The following ADGRG4 variants were observed in gnomAD, a reference collection of about 807,000 sequenced individuals.
ADGRG4 encodes the protein adhesion G protein-coupled receptor G4, also known as G protein-coupled receptor 112.
A neutral mutation model predicts 126.2 loss-of-function variants in ADGRG4; 122 were observed. The observed-to-expected ratio is 0.97, with a 90% CI of 0.83 to 1.12. The LOEUF is 1.12. Ranked by LOEUF, ADGRG4 falls within the 50% of genes most tolerant of loss-of-function variation. The pLI, the probability that ADGRG4 is intolerant of heterozygous loss-of-function variation, is 0.00. For synonymous variants in ADGRG4, 943 were observed against 838.7 expected (o/e 1.12, Z -2.15); for missense variants, 2,481 against 2,251.8 (o/e 1.10, Z -2.06).
At chrX:136,408,297 G>A (rs2075426894) in intron 23 of ADGRG4, among the ~76,000 whole-genome samples, 1 of 111,675 alleles carries the variant, frequency 9.0e-6, no homozygotes, top group African/African-American at 3.3e-5. Flanking sequence ...GAGGCTTGGG[G>A]TATGAATGAT....
intron 12 of ADGRG4, 65 bp downstream of exon 12, chrX:136,361,652 G>A (rs1398638105): frequency 2.3e-6 from 2 of 873,650 alleles, no homozygotes; most frequent in East Asian, 3.6e-5. Context: ...TTGGGGACAT[G>A]TTTCTATGTC....
At chrX:136,344,115 C>T (rs893197279) in intron 5 of ADGRG4, among the ~76,000 whole-genome samples, 27 of 111,773 alleles carry the variant, frequency 2.4e-4, no homozygotes, top group African/African-American at 7.8e-4. Context: ...CAATGCACTA[C>T]TGTGGCATGC....
chrX:136,317,499 C>CAAAAAAAAAAAAA (rs35736381), intron 4 of ADGRG4, among the ~76,000 whole-genome samples: 41 of 40,503 alleles, frequency 1.0e-3, no homozygotes, highest in Non-Finnish European at 1.1e-3. Context: ...GACTCCATCT[C>CAAAAAAAAAAAAA]AAAAAAAAAA....
intron 21 of ADGRG4, among the ~76,000 whole-genome samples, chrX:136,402,069 C>T (rs2075382248): frequency 8.9e-6 from 1 of 112,130 alleles, no homozygotes; most frequent in Non-Finnish European, 1.9e-5. Flanking sequence ...AGTTTTGGAG[C>T]ATTTCAATAT....
chrX:136,369,887 T>C (rs1232074662), intron 13 of ADGRG4, among the ~76,000 whole-genome samples: 2 of 111,420 alleles, frequency 1.8e-5, no homozygotes, highest in Non-Finnish European at 3.8e-5. Context: ...GGGGTAATGG[T>C]TGGGGAGGAA....
intron 23 of ADGRG4, 54 bp downstream of exon 23, chrX:136,406,026 T>G: frequency 9.6e-7 from 1 of 1,044,862 alleles, no homozygotes. Context: ...CAGCAAAGCT[T>G]TTGTTGCTTT....
At chrX:136,416,080 C>T (rs2075473933) in intron 25 of ADGRG4, among the ~76,000 whole-genome samples, 1 of 111,879 alleles carries the variant, frequency 8.9e-6, no homozygotes, top group African/African-American at 3.3e-5. Flanking sequence ...TGAGAAATAG[C>T]CAAACTTTCA....
chrX:136,330,789 A>C (rs756247842), intron 5 of ADGRG4, among the ~76,000 whole-genome samples: 14 of 111,791 alleles, frequency 1.3e-4, no homozygotes, highest in Admixed American at 8.5e-4. Flanking sequence ...TAATCATATC[A>C]TGGTACCCAT....
chrX:136,402,658 G>A (rs1377076751), intron 21 of ADGRG4, among the ~76,000 whole-genome samples: 1 of 111,014 alleles, frequency 9.0e-6, no homozygotes, highest in Non-Finnish European at 1.9e-5. Context: ...TAAACCCTGT[G>A]TCTACACTCT....
At chrX:136,305,955 G>T (rs1055569640) in intron 3 of ADGRG4, 1 of 111,528 alleles carries the variant, frequency 9.0e-6, no homozygotes, top group Non-Finnish European at 1.9e-5. Context: ...GCTACAAGCC[G>T]CAAAAAGAGG....
chrX:136,353,512 A>G, intron 8 of ADGRG4, 111 bp downstream of exon 8: 1 of 528,835 alleles, frequency 1.9e-6, no homozygotes, highest in Non-Finnish European at 3.2e-6. Context: ...GGGCTGCCAC[A>G]TTTTTAGTTG....
In ADGRG4 at chrX:136,322,771, TG is replaced by T; in HGVS notation, c.71-5del. On this transcript the variant is annotated splice_polypyrimidine_tract_variant and splice_region_variant and intron_variant, in intron 4 of 25. Coordinates refer to ENST00000394143, the MANE Select transcript of ADGRG4 (RefSeq NM_153834.4). ...TTTTCTCTTTCCCCTCCCCCAAATT[TG>T]GACAGATACACTTTCACTAAAAGGA... The T allele has an allele frequency of 8.6e-7, 1 of 1,161,813 alleles. No homozygotes were observed. The highest frequency in any genetic ancestry group is 1.1e-6 in the Non-Finnish European group (1 of 872,812).
intron 23 of ADGRG4, among the ~76,000 whole-genome samples, chrX:136,409,252 C>A (rs1473687008): frequency 9.0e-6 from 1 of 111,600 alleles, no homozygotes; most frequent in African/African-American, 3.3e-5. Context: ...GAGGAATGCA[C>A]AAATAAAAAT....
chrX:136,390,976 C>T (rs2075316683), intron 16 of ADGRG4, among the ~76,000 whole-genome samples: 1 of 110,376 alleles, frequency 9.1e-6, no homozygotes, highest in African/African-American at 3.3e-5. Flanking sequence ...TCAGCAGGGC[C>T]CTTCCCATTA....
intron 15 of ADGRG4, among the ~76,000 whole-genome samples, chrX:136,383,220 T>A (rs2075273074): frequency 8.9e-6 from 1 of 112,013 alleles, no homozygotes; most frequent in Non-Finnish European, 1.9e-5. Flanking sequence ...CTATCCTAGT[T>A]GTTCTCTAAT....
At position 136,308,870 on chromosome X, in the gene ADGRG4, T is replaced by A. The variant is rs766874331; in HGVS notation, c.70+23T>A. On this transcript the variant is annotated intron_variant, in intron 4 of 25. Transcript: ENST00000394143. ...CAGGTAAGAAAATGTATTCTTATTA[T>A]CTCTTTCAATGTCTCATGTATAGTA... is the stretch of plus-strand genomic sequence containing the variant. 8 of 876,202 alleles carry A rather than the reference T, an allele frequency of 9.1e-6. No individual in the cohort carries two copies. In the East Asian group the frequency reaches 2.5e-4, roughly 27 times the overall value. 72.2% of individuals were successfully genotyped at this position (876,202 alleles called of 1,213,427 possible).
intron 16 of ADGRG4, among the ~76,000 whole-genome samples, chrX:136,390,570 G>A (rs1008459359): frequency 2.7e-5 from 3 of 111,387 alleles, no homozygotes; most frequent in Admixed American, 9.6e-5. Context: ...TTGAGTAGGA[G>A]CTCAAAGATG....
intron 5 of ADGRG4, among the ~76,000 whole-genome samples, chrX:136,324,261 A>G (rs750479731): frequency 1.8e-5 from 2 of 111,867 alleles, no homozygotes; most frequent in East Asian, 5.6e-4. Context: ...CCATACTTTC[A>G]CCCAATAGGT....
chrX:136,394,056 G>T (rs757463981), intron 18 of ADGRG4, among the ~76,000 whole-genome samples: 1 of 111,620 alleles, frequency 9.0e-6, no homozygotes. Context: ...GGTTTTGCAA[G>T]ATCTATGATC....
Sources: gnomAD v4.1 joint callset for allele counts (sites outside exome capture counted in the v4.1 genomes callset) on GRCh38, gnomAD v4.1.1 for gene constraint, MANE v1.5 for transcripts, NCBI Gene and HGNC (gene_info 2026-07-23, HGNC 2026-07-21) for gene names.